RASGRF2: variants seen among roughly 807,000 people sequenced by gnomAD.
RASGRF2 encodes Ras protein specific guanine nucleotide releasing factor 2.
In RASGRF2, 76 loss-of-function variants were observed where a neutral mutation model predicts 151.0. The observed-to-expected ratio is 0.50, with a 90% CI of 0.42 to 0.61. RASGRF2 has a LOEUF of 0.61. Among genes scored for constraint, RASGRF2 ranks in the 20% least tolerant of loss-of-function variants. The pLI is 0.00. For missense variants in RASGRF2, 1,148 were observed against 1,564.6 expected (o/e 0.73, Z 4.49); for synonymous variants, 504 against 566.5 (o/e 0.89, Z 1.57).
At chr5:81,100,179 T>C (rs936823601) in intron 12 of RASGRF2, among the ~76,000 whole-genome samples, 2 of 152,182 alleles carry the variant, frequency 1.3e-5, no homozygotes, top group Non-Finnish European at 2.9e-5. Context: ...AGTGCTGGGA[T>C]TACAGGCGTG....
intron 17 of RASGRF2, among the ~76,000 whole-genome samples, chr5:81,133,142 C>T (rs1005573095): frequency 4.6e-5 from 7 of 152,128 alleles, no homozygotes; most frequent in Non-Finnish European, 1.0e-4. Context: ...AAGATGGCAT[C>T]AATTAAATAT....
At chr5:81,212,138 G>A (rs1021332526) in intron 22 of RASGRF2, among the ~76,000 whole-genome samples, 25 of 152,074 alleles carry the variant, frequency 1.6e-4, no homozygotes, top group African/African-American at 5.3e-4. Flanking sequence ...CTCAACAAGC[G>A]GGAATCCAGA....
rs1403179594 is a variant in RASGRF2 at position 81,225,869 on chromosome 5, C to T, written c.*99C>T. On this transcript the variant is annotated 3_prime_UTR_variant, in exon 27 of 27. Transcript: ENST00000265080. ...TATCACGGTACAGCACGAAGCCAGGCTCCTTTCTCCACCAAAGAAGATGGA... is the reference window on the plus strand; with the variant it reads ...TATCACGGTACAGCACGAAGCCAGGTTCCTTTCTCCACCAAAGAAGATGGA... 1 of 1,246,128 alleles carries T rather than the reference C, an allele frequency of 8.0e-7. No homozygotes were observed. The highest frequency in any genetic ancestry group is 1.6e-5 in the African/African-American group (1 of 63,490). The allele number at this position is 1,246,128 out of a possible 1,614,324, so 77.2% of individuals were successfully genotyped here.
At chr5:81,204,864 A>G (rs778905527) in intron 19 of RASGRF2, among the ~76,000 whole-genome samples, 64 of 152,194 alleles carry the variant, frequency 4.2e-4, no homozygotes, top group Non-Finnish European at 3.7e-4. Flanking sequence ...CATTGAGAAG[A>G]GGAACATTTG....
intron 17 of RASGRF2, among the ~76,000 whole-genome samples, chr5:81,167,085 A>G (rs1169230944): frequency 1.3e-5 from 2 of 152,204 alleles, no homozygotes; most frequent in East Asian, 3.9e-4. Flanking sequence ...ATGGAGTTAA[A>G]GCATCACCAC....
At chr5:81,221,556 A>AT (rs1215253548) in intron 26 of RASGRF2, among the ~76,000 whole-genome samples, 1 of 152,138 alleles carries the variant, frequency 6.6e-6, no homozygotes, top group Non-Finnish European at 1.5e-5. Context: ...TTCTGATAGT[A>AT]TAAGATGCTC....
At chr5:80,969,671 T>C (rs1317204577) in intron 1 of RASGRF2, among the ~76,000 whole-genome samples, 1 of 151,242 alleles carries the variant, frequency 6.6e-6, no homozygotes, top group African/African-American at 2.4e-5. Context: ...CAGGATGATC[T>C]CGATCTCCTG....
intron 17 of RASGRF2, among the ~76,000 whole-genome samples, chr5:81,144,989 C>T (rs182452595): frequency 9.7e-4 from 147 of 152,294 alleles, no homozygotes; most frequent in Non-Finnish European, 1.7e-3. Flanking sequence ...CCTGTAATCC[C>T]AGCACTTTGG....
intron 1 of RASGRF2, among the ~76,000 whole-genome samples, chr5:80,963,532 G>A (rs1050726388): frequency 1.3e-5 from 2 of 152,128 alleles, no homozygotes; most frequent in East Asian, 1.9e-4. Context: ...TTCAATAATG[G>A]CATCTTCTAT....
intron 11 of RASGRF2, 99 bp from the exon 12 acceptor site, chr5:81,094,757 G>T: frequency 1.5e-6 from 2 of 1,310,408 alleles, no homozygotes; most frequent in Non-Finnish European, 2.1e-6. Flanking sequence ...GTCCCGATTT[G>T]AGTGCAAATG....
intron 17 of RASGRF2, among the ~76,000 whole-genome samples, chr5:81,141,403 G>A (rs1305942426): frequency 6.6e-6 from 1 of 152,142 alleles, no homozygotes; most frequent in Non-Finnish European, 1.5e-5. Context: ...CTATGGAAGG[G>A]GCACAGTGGG....
rs553657849 is a variant in RASGRF2 at position 81,170,940 on chromosome 5, C to T, written c.2687-9235C>T. 8.5e-5 allele frequency among the ~76,000 whole-genome samples: 13 copies of T among 152,254 alleles called. No individual in the cohort carries two copies. In the South Asian group the frequency reaches 2.7e-3, roughly 32 times the overall value. ...CCAAGCTGGGCTAGCTTTGTGCTTCCTGGTTTCCGCCCTTCCTCCCACCCT... is the reference window on the plus strand; with the variant it reads ...CCAAGCTGGGCTAGCTTTGTGCTTCTTGGTTTCCGCCCTTCCTCCCACCCT... On this transcript the variant is annotated intron_variant, in intron 17 of 26. Coordinates refer to ENST00000265080, the MANE Select transcript of RASGRF2 (RefSeq NM_006909.3).
At chr5:80,964,952 C>A (rs1466315953) in intron 1 of RASGRF2, among the ~76,000 whole-genome samples, 2 of 152,000 alleles carry the variant, frequency 1.3e-5, no homozygotes, top group Non-Finnish European at 2.9e-5. Flanking sequence ...GCAAAAAAGC[C>A]ACCTTGATTC....
intron 2 of RASGRF2, among the ~76,000 whole-genome samples, chr5:81,067,588 A>G (rs982173253): frequency 6.6e-6 from 1 of 152,198 alleles, no homozygotes; most frequent in Non-Finnish European, 1.5e-5. Context: ...GCCTGTTGTA[A>G]TGGTCTCTGC....
chr5:81,160,717 A>ATAATAATAATAG (rs1249602929), intron 17 of RASGRF2, among the ~76,000 whole-genome samples: 4 of 149,464 alleles, frequency 2.7e-5, no homozygotes, highest in African/African-American at 9.9e-5. Flanking sequence ...AATAATAATA[A>ATAATAATAATAG]TAAGTCAACC....
intron 7 of RASGRF2, among the ~76,000 whole-genome samples, chr5:81,085,377 T>G (rs1752198170): frequency 6.6e-6 from 1 of 152,232 alleles, no homozygotes; most frequent in African/African-American, 2.4e-5. Flanking sequence ...GTTTTAATTC[T>G]TAGGGAGAAT....
chr5:81,055,465 C>T lies in RASGRF2; in HGVS notation c.395+12482C>T, dbSNP rs1157974044. Among the ~76,000 whole-genome samples, 4 of 152,026 alleles carry T rather than the reference C, an allele frequency of 2.6e-5. No individual in the cohort carries two copies. In the East Asian group the frequency reaches 7.7e-4, roughly 29 times the overall value. On this transcript the variant is annotated intron_variant, in intron 2 of 26. Coordinates refer to ENST00000265080, the MANE Select transcript of RASGRF2 (RefSeq NM_006909.3). ...GGGTATGTTGAACCAGCCTTGCATC[C>T]CAGGGATGAAGCCCACTTGATCATG...
intron 1 of RASGRF2, among the ~76,000 whole-genome samples, chr5:80,975,059 A>G (rs1180059132): frequency 1.3e-5 from 2 of 152,074 alleles, no homozygotes; most frequent in Admixed American, 1.3e-4. Context: ...GGATATTTAC[A>G]CAACTCTTCC....
intron 17 of RASGRF2, among the ~76,000 whole-genome samples, chr5:81,158,753 T>A (rs1232451218): frequency 1.3e-5 from 2 of 152,146 alleles, no homozygotes; most frequent in African/African-American, 4.8e-5. Flanking sequence ...ATATTCCCAT[T>A]AGAATAGCAA....
Sources: allele counts gnomAD v4.1 joint callset (sites outside exome capture counted in the v4.1 genomes callset), GRCh38; gene constraint gnomAD v4.1.1; transcripts MANE v1.5; gene names NCBI Gene and HGNC (gene_info 2026-07-23, HGNC 2026-07-21).